ERN1: variants seen among roughly 807,000 people sequenced by gnomAD.
ERN1 encodes endoplasmic reticulum to nucleus signaling 1.
Under a neutral mutation model 113.1 loss-of-function variants are expected in ERN1, and 39 were observed. The ratio of observed to expected loss-of-function variants is 0.34; its 90% CI spans 0.27 to 0.45. The LOEUF (loss-of-function observed/expected upper bound fraction) is 0.45, where lower values mean the gene tolerates loss of function less well. Among genes scored for constraint, ERN1 ranks in the 20% least tolerant of loss-of-function variants. ERN1 has a pLI of 1.00. For missense variants in ERN1, 976 were observed against 1,274.8 expected (o/e 0.77, Z 3.57); for synonymous variants, 507 against 515.9 (o/e 0.98, Z 0.23).
At chr17:64,098,269 T>A in intron 1 of ERN1, 28 bp from the exon 2 acceptor site, 1 of 1,613,572 alleles carries the variant, frequency 6.2e-7, no homozygotes, top group Non-Finnish European at 8.5e-7. Context: ...AGACTCTTAA[T>A]GTTGATATGA....
intron 2 of ERN1, among the ~76,000 whole-genome samples, chr17:64,085,823 C>A (rs1412710331): frequency 1.3e-5 from 2 of 152,148 alleles, no homozygotes; most frequent in Non-Finnish European, 2.9e-5. Context: ...ACTAGGAGAT[C>A]CTGGCTGGCT....
intron 1 of ERN1, among the ~76,000 whole-genome samples, chr17:64,100,393 C>A (rs1049482069): frequency 3.3e-5 from 5 of 152,238 alleles, no homozygotes; most frequent in African/African-American, 4.8e-5. Flanking sequence ...TCCTCCACCC[C>A]CCAAAGTTAC....
At chr17:64,102,218 A>G (rs536352363) in intron 1 of ERN1, among the ~76,000 whole-genome samples, 4 of 152,140 alleles carry the variant, frequency 2.6e-5, no homozygotes, top group African/African-American at 9.7e-5. Flanking sequence ...CCCGGGAGGC[A>G]GAGGTTGCAG....
At chr17:64,114,876 G>A (rs1914764297) in intron 1 of ERN1, among the ~76,000 whole-genome samples, 1 of 152,086 alleles carries the variant, frequency 6.6e-6, no homozygotes, top group Non-Finnish European at 1.5e-5. Flanking sequence ...TCAGAACTTC[G>A]TAGGAGAGCG....
rs1467429972 is a variant in ERN1 at position 64,094,571 on chromosome 17, C to T, written c.175+3550G>A. Among the ~76,000 whole-genome samples, 4 of 151,896 alleles carry T rather than the reference C, an allele frequency of 2.6e-5. No individual in the cohort carries two copies. In the South Asian group the frequency reaches 6.2e-4, roughly 24 times the overall value. ...ATCTCTCTCTGAGCTGATCTCCTCC[C>T]GCCACATCAACTCTGTGCTCCTCCT... On this transcript the variant is annotated intron_variant, in intron 2 of 21. Coordinates refer to ENST00000433197, the MANE Select transcript of ERN1 (RefSeq NM_001433.5).
At chr17:64,126,180 C>T (rs901211611) in intron 1 of ERN1, among the ~76,000 whole-genome samples, 7 of 152,176 alleles carry the variant, frequency 4.6e-5, no homozygotes, top group Non-Finnish European at 1.0e-4. Context: ...ACGCTCTAAT[C>T]ATATTCCTAG....
At chr17:64,114,255 C>T (rs1722154987) in intron 1 of ERN1, among the ~76,000 whole-genome samples, 1 of 152,110 alleles carries the variant, frequency 6.6e-6, no homozygotes, top group African/African-American at 2.4e-5. Flanking sequence ...ATGGAGCTTA[C>T]AGTCCAATAG....
chr17:64,054,439 C>T lies in ERN1; in HGVS notation c.1764G>A (p.Arg588=), dbSNP rs919505207. Residue 588 remains arginine, a splice_region_variant and synonymous_variant, in exon 15 of 22, where the codon CGG becomes CGA. Transcript: ENST00000433197. The surrounding 1 kb of genome is among the most constrained non-coding windows in gnomAD (Gnocchi z 4.9). ...GHGAEGTIVY[R]GMFDNRDVAV... ...CCACGTCGCGGTTGTCAAACATGCC[C>T]CTGCGGGATGAGGAGTGGGAGTTGT... The T allele has an allele frequency of 6.4e-6, 10 of 1,556,072 alleles. No homozygotes were observed. The African/African-American group carries it at 1.1e-4, about 17-fold the overall frequency.
At chr17:64,045,544 C>A in intron 19 of ERN1, 62 bp from the exon 20 acceptor site, 1 of 1,608,348 alleles carries the variant, frequency 6.2e-7, no homozygotes, top group Non-Finnish European at 8.5e-7. Context: ...AGCTGTGCGA[C>A]TGGGACTCAG....
intron 1 of ERN1, among the ~76,000 whole-genome samples, chr17:64,127,288 T>G (rs563420233): frequency 6.6e-6 from 1 of 152,290 alleles, no homozygotes; most frequent in East Asian, 1.9e-4. Flanking sequence ...TATCAAAAAC[T>G]ATTTCTTGCA....
intron 6 of ERN1, among the ~76,000 whole-genome samples, chr17:64,070,843 G>T (rs981866287): frequency 2.6e-5 from 4 of 152,160 alleles, no homozygotes; most frequent in African/African-American, 9.7e-5. Flanking sequence ...ACATGTGTGA[G>T]GTGCTGCACA....
At chr17:64,109,808 C>T (rs1363507873) in intron 1 of ERN1, among the ~76,000 whole-genome samples, 1 of 152,156 alleles carries the variant, frequency 6.6e-6, no homozygotes, top group African/African-American at 2.4e-5. Flanking sequence ...CCGTCTAGCC[C>T]TTTTGCCCAC....
At chr17:64,090,638 C>G (rs1228472825) in intron 2 of ERN1, among the ~76,000 whole-genome samples, 1 of 152,210 alleles carries the variant, frequency 6.6e-6, no homozygotes, top group East Asian at 1.9e-4. Flanking sequence ...CATATTCCAA[C>G]ACACACCAAC....
At position 64,044,062 on chromosome 17, in the gene ERN1, C is replaced by T. The variant is rs1567858821; in HGVS notation, c.2860G>A (p.Glu954Lys). The change falls in exon 22 of 22, where the codon GAG becomes AAG. Residue 954 changes from glutamate to lysine, a missense_variant. Physicochemically the swap from Glu to Lys is moderately conservative, Grantham distance 56 (BLOSUM62 1). Around this residue, in one of 5 missense-constraint regions of ERN1, gnomAD observed 92 missense variants for 87.3 expected, o/e 1.05. Coordinates refer to ENST00000433197, the MANE Select transcript of ERN1 (RefSeq NM_001433.5). This position sits in a 1 kb window ranked among gnomAD's most constrained non-coding sequence, Gnocchi z 4.1. Reference sequence around the variant, plus strand: ...AAGTAGTAGGGCTGGAAGAGTCTCTCGTGGCTGCACAGCTCCATGGCCCGG... The same window carrying T: ...AAGTAGTAGGGCTGGAAGAGTCTCTTGTGGCTGCACAGCTCCATGGCCCGG... ...TYRAMELCSH[E>K]RLFQPYYFHE... is the part of the protein sequence containing the mutation. 7 of 1,613,600 alleles carry T rather than the reference C, an allele frequency of 4.3e-6. No homozygotes were observed. The highest frequency in any genetic ancestry group is 5.9e-6 in the Non-Finnish European group (7 of 1,179,770).
chr17:64,124,439 T>C (rs770363150), intron 1 of ERN1, among the ~76,000 whole-genome samples: 17 of 152,218 alleles, frequency 1.1e-4, no homozygotes, highest in Non-Finnish European at 2.1e-4. Context: ...CATGTGCTGT[T>C]GGAGGGACCC....
At position 64,043,898 on chromosome 17, in the gene ERN1, C is replaced by T. The variant is rs1479071470; in HGVS notation, c.*90G>A. The T allele has an allele frequency of 1.2e-5, 11 of 906,906 alleles. No individual in the cohort carries two copies. Among genetic ancestry groups the T allele is most frequent in the Non-Finnish European group, 1.9e-5 (11 of 587,670 alleles). 56.2% of individuals were successfully genotyped at this position (906,906 alleles called of 1,614,324 possible). On this transcript the variant is annotated 3_prime_UTR_variant, in exon 22 of 22. Coordinates refer to ENST00000433197, the MANE Select transcript of ERN1 (RefSeq NM_001433.5). Reference sequence around the variant, plus strand: ...CACTTGGTTTGGGAAGCCTGGTCTCCCTGCAAAGCCGGGAGGCATCAAGCT... The same window carrying T: ...CACTTGGTTTGGGAAGCCTGGTCTCTCTGCAAAGCCGGGAGGCATCAAGCT...
intron 8 of ERN1, 72 bp downstream of exon 8, chr17:64,066,599 C>A (rs938557845): frequency 1.4e-5 from 22 of 1,566,540 alleles, no homozygotes; most frequent in Non-Finnish European, 1.7e-5. Flanking sequence ...CCGTGCAGGG[C>A]CTGCTACACT....
chr17:64,120,662 C>G (rs572339310), intron 1 of ERN1, among the ~76,000 whole-genome samples: 4 of 152,138 alleles, frequency 2.6e-5, no homozygotes, highest in African/African-American at 9.6e-5. Flanking sequence ...AACTGTTTAC[C>G]TCATGGAGTT....
At chr17:64,102,631 A>G (rs1914417928) in intron 1 of ERN1, 2 of 977,176 alleles carry the variant, frequency 2.0e-6, no homozygotes, top group Admixed American at 6.1e-5. Context: ...ATGTTTCCAG[A>G]TGCCTTGTGT....
Sources: gnomAD v4.1 joint callset for allele counts (sites outside exome capture counted in the v4.1 genomes callset) on GRCh38, gnomAD v4.1.1 for gene constraint, gnomAD v4.1.1 regional missense constraint, Gnocchi (gnomAD v3.1) non-coding constraint, MANE v1.5 for transcripts, NCBI Gene and HGNC (gene_info 2026-07-23, HGNC 2026-07-21) for gene names.